NALCN: variants seen among roughly 807,000 people sequenced by gnomAD.
NALCN encodes the protein sodium leak channel, non-selective.
NALCN carries 111 observed loss-of-function variants against 225.3 expected under a neutral mutation model. The ratio of observed to expected loss-of-function variants is 0.49; its 90% CI spans 0.42 to 0.58. NALCN has a LOEUF of 0.58. Among genes scored for constraint, NALCN ranks in the 20% least tolerant of loss-of-function variants. The pLI, the probability that NALCN is intolerant of heterozygous loss-of-function variation, is 0.00. For missense variants in NALCN, 1,378 were observed against 2,202.4 expected (o/e 0.63, Z 7.49); for synonymous variants, 764 against 769.0 (o/e 0.99, Z 0.11).
At chr13:101,236,763 G>A (rs1308017912) in intron 12 of NALCN, among the ~76,000 whole-genome samples, 5 of 124,670 alleles carry the variant, frequency 4.0e-5, no homozygotes, top group African/African-American at 1.1e-4. Context: ...GGGGCCTGTT[G>A]TGGGGTGGGG....
chr13:101,327,824 A>G (rs2139220735), intron 7 of NALCN, among the ~76,000 whole-genome samples: 1 of 152,298 alleles, frequency 6.6e-6, no homozygotes, highest in South Asian at 2.1e-4. Flanking sequence ...TAGAATCAAA[A>G]AAGAAGCTTG....
At chr13:101,211,811 C>T (rs373116894) in intron 13 of NALCN, among the ~76,000 whole-genome samples, 15 of 151,848 alleles carry the variant, frequency 9.9e-5, no homozygotes, top group African/African-American at 3.6e-4. Context: ...GTAACAGCCT[C>T]ACAGAAAAAA....
At chr13:101,076,152 C>T (rs114071708) in intron 34 of NALCN, among the ~76,000 whole-genome samples, 55 of 152,256 alleles carry the variant, frequency 3.6e-4, no homozygotes, top group African/African-American at 1.2e-3. Flanking sequence ...AATGAAACTT[C>T]GGGTTCTGTT....
At chr13:101,286,318 C>G (rs2043336773) in intron 9 of NALCN, among the ~76,000 whole-genome samples, 1 of 152,150 alleles carries the variant, frequency 6.6e-6, no homozygotes, top group Non-Finnish European at 1.5e-5. Context: ...CCAGTTCTTG[C>G]CCTTTTTTTG....
chr13:101,096,138 G>A (rs1347686571), intron 27 of NALCN, among the ~76,000 whole-genome samples: 3 of 152,106 alleles, frequency 2.0e-5, no homozygotes, highest in African/African-American at 7.2e-5. Context: ...GTAGAATGGT[G>A]CAACCACTTT....
chr13:101,190,964 T>C lies in NALCN; in HGVS notation c.1764+953A>G, dbSNP rs575969921. 5.3e-5 allele frequency among the ~76,000 whole-genome samples: 8 copies of C among 152,332 alleles called. No individual in the cohort carries two copies. The South Asian group carries it at 1.7e-3, about 32-fold the overall frequency. On this transcript the variant is annotated intron_variant, in intron 14 of 43. Coordinates refer to ENST00000251127, the MANE Select transcript of NALCN (RefSeq NM_052867.4). ...ACTCTGGTCATATTTACATTCCATG[T>C]GACATCAGATAAATTACTAAACTCT...
intron 15 of NALCN, among the ~76,000 whole-genome samples, chr13:101,170,984 A>G (rs2038684593): frequency 6.6e-6 from 1 of 152,166 alleles, no homozygotes; most frequent in Non-Finnish European, 1.5e-5. Context: ...AAACCTTGCA[A>G]AACTCTGTGT....
chr13:101,397,974 C>T (rs374842023), intron 2 of NALCN, among the ~76,000 whole-genome samples: 4 of 151,900 alleles, frequency 2.6e-5, no homozygotes, highest in South Asian at 2.1e-4. Context: ...GGGAGCAGTA[C>T]GAGCAGGGAA....
intron 1 of NALCN, among the ~76,000 whole-genome samples, chr13:101,405,989 G>A (rs934886011): frequency 5.3e-5 from 8 of 151,978 alleles, no homozygotes; most frequent in Non-Finnish European, 1.0e-4. Flanking sequence ...TGTTGGTTGA[G>A]GGGTTATTAT....
At chr13:101,108,655 C>T (rs2035272812) in intron 20 of NALCN, among the ~76,000 whole-genome samples, 1 of 152,086 alleles carries the variant, frequency 6.6e-6, no homozygotes, top group South Asian at 2.1e-4. Flanking sequence ...GGCGTGTCTA[C>T]ATGTGGAATA....
chr13:101,132,359 T>C (rs1223430560), intron 17 of NALCN, among the ~76,000 whole-genome samples: 1 of 152,134 alleles, frequency 6.6e-6, no homozygotes, highest in Non-Finnish European at 1.5e-5. Flanking sequence ...TCAAATAATA[T>C]CTTTTCTAGG....
chr13:101,357,298 C>A (rs932734855), intron 6 of NALCN, among the ~76,000 whole-genome samples: 1 of 152,128 alleles, frequency 6.6e-6, no homozygotes, highest in Admixed American at 6.5e-5. Flanking sequence ...ATCATCTCAG[C>A]CCGAAAACTC....
chr13:101,130,404 G>C (rs1295370731), intron 17 of NALCN, among the ~76,000 whole-genome samples: 4 of 152,060 alleles, frequency 2.6e-5, no homozygotes, highest in Non-Finnish European at 4.4e-5. Flanking sequence ...TCTTCATGTT[G>C]TCCTTATGTA....
At chr13:101,086,804 TC>T (rs2033954560) in intron 30 of NALCN, among the ~76,000 whole-genome samples, 1 of 152,154 alleles carries the variant, frequency 6.6e-6, no homozygotes. Context: ...TCTATATCTT[TC>T]TGGTGATTAT....
At chr13:101,212,347 C>G (rs1361401244) in intron 13 of NALCN, among the ~76,000 whole-genome samples, 1 of 152,142 alleles carries the variant, frequency 6.6e-6, no homozygotes, top group Non-Finnish European at 1.5e-5. Context: ...TTAAAATACT[C>G]TCCCAAATGT....
intron 38 of NALCN, among the ~76,000 whole-genome samples, 161 bp from the exon 39 acceptor site, chr13:101,068,194 C>G (rs556530238): frequency 2.0e-5 from 3 of 152,204 alleles, no homozygotes; most frequent in Non-Finnish European, 4.4e-5. Flanking sequence ...CATGTTTACA[C>G]TTGGACTAAG....
intron 40 of NALCN, among the ~76,000 whole-genome samples, chr13:101,062,363 A>G (rs575021292): frequency 6.6e-6 from 1 of 152,252 alleles, no homozygotes; most frequent in African/African-American, 2.4e-5. Flanking sequence ...GTGAGTTAAT[A>G]TCTGTGAGGC....
At chr13:101,064,432 G>A (rs554070621) in intron 40 of NALCN, among the ~76,000 whole-genome samples, 2 of 152,276 alleles carry the variant, frequency 1.3e-5, no homozygotes, top group South Asian at 4.1e-4. Flanking sequence ...AGAACGTAAG[G>A]TTATTTGGAA....
rs1055781860 is a variant in NALCN at position 101,395,066 on chromosome 13, T to A, written c.291+117A>T. The A allele has an allele frequency of 3.1e-6, 3 of 965,230 alleles. No individual in the cohort carries two copies. In the African/African-American group the frequency reaches 5.0e-5, roughly 16 times the overall value. The allele number at this position is 965,230 out of a possible 1,614,324, so 59.8% of individuals were successfully genotyped here. A position where few individuals can be genotyped will look rare whatever the true frequency, so the allele number is the denominator to read the frequency against. On this transcript the variant is annotated intron_variant, in intron 3 of 43. Transcript: ENST00000251127. ...TATGCCTTTTTAAAAAGGACTTCCA[T>A]ATGTATAAGATAAAATGATGTTTTG...
Sources: gnomAD v4.1 joint callset for allele counts (sites outside exome capture counted in the v4.1 genomes callset) on GRCh38, gnomAD v4.1.1 for gene constraint, MANE v1.5 for transcripts, NCBI Gene and HGNC (gene_info 2026-07-23, HGNC 2026-07-21) for gene names.